ZNF804B: variants seen among roughly 807,000 people sequenced by gnomAD.
ZNF804B encodes zinc finger 804B.
In ZNF804B, 80 loss-of-function variants were observed where a neutral mutation model predicts 101.4. The observed-to-expected ratio is 0.79, with a 90% CI of 0.66 to 0.95. The LOEUF (loss-of-function observed/expected upper bound fraction) is 0.95, where lower values mean the gene tolerates loss of function less well. Ranked by LOEUF, ZNF804B falls within the 40% of genes least tolerant of loss-of-function variation. The probability of loss-of-function intolerance (pLI) is 0.00; values close to 1 mark genes in which losing one functional copy is unlikely to be tolerated. For missense variants in ZNF804B, 1,673 were observed against 1,561.9 expected (o/e 1.07, Z -1.20); for synonymous variants, 622 against 558.8 (o/e 1.11, Z -1.59).
chr7:89,330,487 T>C (rs1790962753), intron 3 of ZNF804B, among the ~76,000 whole-genome samples: 1 of 151,628 alleles, frequency 6.6e-6, no homozygotes, highest in South Asian at 2.1e-4. Context: ...TTTTTTCCAG[T>C]TATATCTCAA....
chr7:89,064,492 T>G (rs1247639475), intron 1 of ZNF804B, among the ~76,000 whole-genome samples: 1 of 152,214 alleles, frequency 6.6e-6, no homozygotes. Flanking sequence ...GAGAACTAAG[T>G]AAACTTTAAA....
chr7:88,914,786 GA>G (rs1396238168), intron 1 of ZNF804B, among the ~76,000 whole-genome samples: 1 of 152,144 alleles, frequency 6.6e-6, no homozygotes, highest in Non-Finnish European at 1.5e-5. Flanking sequence ...TTTTAATGTA[GA>G]AAGGATATTT....
intron 1 of ZNF804B, among the ~76,000 whole-genome samples, chr7:88,929,169 T>C (rs17165534): frequency 0.092 from 14,004 of 151,838 alleles, 738 homozygotes; most frequent in East Asian, 0.2. Context: ...GAAGATCTCC[T>C]GTGGCCATCA....
In ZNF804B at chr7:88,817,442, C is replaced by T. The variant is rs61360571; in HGVS notation, c.108+57358C>T. On this transcript the variant is annotated intron_variant, in intron 1 of 3. Transcript: ENST00000333190. ...GGCTGCTCTCTCCATAGGCAGTTAG[C>T]GCTACCAACCTAATGGCTCTATGGT... Among the ~76,000 whole-genome samples, 367 of 120,494 alleles carry T rather than the reference C, an allele frequency of 3.0e-3. 2 individuals are homozygous for T. The highest frequency in any genetic ancestry group is 0.012 in the African/African-American group (360 of 30,494). 79.0% of individuals were successfully genotyped at this position (120,494 alleles called of 152,430 possible). A position where few individuals can be genotyped will look rare whatever the true frequency, so the allele number is the denominator to read the frequency against.
intron 1 of ZNF804B, among the ~76,000 whole-genome samples, chr7:88,798,440 T>C (rs1181875112): frequency 6.6e-6 from 1 of 152,052 alleles, no homozygotes; most frequent in Non-Finnish European, 1.5e-5. Context: ...TTTCTGTAAG[T>C]CAAAAAAGGC....
chr7:89,210,954 C>T (rs1201573674), intron 1 of ZNF804B, among the ~76,000 whole-genome samples: 1 of 152,174 alleles, frequency 6.6e-6, no homozygotes, highest in Non-Finnish European at 1.5e-5. Context: ...TTTACATTCC[C>T]ACCAACAGTG....
chr7:88,787,991 G>C (rs1790327250), intron 1 of ZNF804B, among the ~76,000 whole-genome samples: 1 of 152,118 alleles, frequency 6.6e-6, no homozygotes, highest in African/African-American at 2.4e-5. Context: ...AGAAAGAAAG[G>C]AATCTAGGAT....
chr7:89,014,057 T>C (rs1296333492), intron 1 of ZNF804B, among the ~76,000 whole-genome samples: 1 of 152,172 alleles, frequency 6.6e-6, no homozygotes, highest in Non-Finnish European at 1.5e-5. Flanking sequence ...TGCCTTCCTT[T>C]GGATAAATAC....
chr7:88,779,777 T>G (rs1790195601), intron 1 of ZNF804B, among the ~76,000 whole-genome samples: 1 of 152,186 alleles, frequency 6.6e-6, no homozygotes, highest in South Asian at 2.1e-4. Flanking sequence ...CATGAAAATT[T>G]TCATATTCTT....
chr7:89,123,090 C>G (rs1790428196), intron 1 of ZNF804B, among the ~76,000 whole-genome samples: 1 of 151,404 alleles, frequency 6.6e-6, no homozygotes, highest in Admixed American at 6.6e-5. Context: ...TTGTTTGTCT[C>G]TTATGGGCAG....
Position 89,230,318 on chromosome 7 carries a change from A to AGG in ZNF804B, c.249+12024_249+12025insGG, listed in dbSNP as rs1194809887. 7.3e-5 allele frequency among the ~76,000 whole-genome samples: 11 copies of AGG among 150,764 alleles called. No individual in the cohort carries two copies. In the East Asian group the frequency reaches 2.1e-3, roughly 29 times the overall value. On this transcript the variant is annotated intron_variant, in intron 2 of 3. Transcript: ENST00000333190. ...TAGACATGGGGAGGGGGAGAGAGAG[A>AGG]GAGAGAGAATGAGCGAGTTAGGATA...
At chr7:89,022,694 A>G (rs772866181) in intron 1 of ZNF804B, among the ~76,000 whole-genome samples, 1 of 152,208 alleles carries the variant, frequency 6.6e-6, no homozygotes, top group Non-Finnish European at 1.5e-5. Flanking sequence ...CTTAAATAAG[A>G]GCAAGATATC....
chr7:89,135,979 A>T (rs1790629127), intron 1 of ZNF804B, among the ~76,000 whole-genome samples: 1 of 152,140 alleles, frequency 6.6e-6, no homozygotes. Context: ...GAGAAATAGC[A>T]AAAATTTATG....
At chr7:88,896,669 A>G (rs1792289296) in intron 1 of ZNF804B, among the ~76,000 whole-genome samples, 1 of 152,204 alleles carries the variant, frequency 6.6e-6, no homozygotes. Context: ...TTTATCAGAG[A>G]GGTTTCTCTG....
intron 1 of ZNF804B, among the ~76,000 whole-genome samples, chr7:88,831,575 A>C (rs3847041): frequency 0.087 from 13,206 of 151,966 alleles, 786 homozygotes; most frequent in East Asian, 0.26. Flanking sequence ...AACAAACAAA[A>C]AAAAAATTGA....
At chr7:89,142,799 G>A (rs567808855) in intron 1 of ZNF804B, among the ~76,000 whole-genome samples, 2 of 151,952 alleles carry the variant, frequency 1.3e-5, no homozygotes, top group Non-Finnish European at 2.9e-5. Context: ...ATGTTACCAG[G>A]AATTCTGGGT....
At position 89,148,225 on chromosome 7, in the gene ZNF804B, T is replaced by C. The variant is rs950012098; in HGVS notation, c.109-69930T>C. Among the ~76,000 whole-genome samples the C allele has an allele frequency of 2.6e-5, 4 of 152,184 alleles. No individual in the cohort carries two copies. In the South Asian group the frequency reaches 8.3e-4, roughly 31 times the overall value. On this transcript the variant is annotated intron_variant, in intron 1 of 3. Coordinates refer to ENST00000333190, the MANE Select transcript of ZNF804B (RefSeq NM_181646.5). ...ATATAATATCTATATCTTAGGATTG[T>C]TATATATGGTTACTTCTTATAAAAT... is the stretch of plus-strand genomic sequence containing the variant.
At chr7:89,301,542 T>C (rs1184058187) in intron 2 of ZNF804B, among the ~76,000 whole-genome samples, 1 of 151,910 alleles carries the variant, frequency 6.6e-6, no homozygotes, top group African/African-American at 2.4e-5. Flanking sequence ...CTTTTCCTCA[T>C]GAATGCAATG....
At chr7:89,207,188 C>G (rs1256599037) in intron 1 of ZNF804B, among the ~76,000 whole-genome samples, 2 of 152,212 alleles carry the variant, frequency 1.3e-5, no homozygotes, top group Admixed American at 1.3e-4. Flanking sequence ...CAGCAGCACC[C>G]CACTCTACTA....
Sources: allele counts gnomAD v4.1 joint callset (sites outside exome capture counted in the v4.1 genomes callset), GRCh38; gene constraint gnomAD v4.1.1; transcripts MANE v1.5; gene names NCBI Gene and HGNC (gene_info 2026-07-23, HGNC 2026-07-21).